Variants in MYO18A observed in about 807,000 individuals in gnomAD.
MYO18A encodes the protein myosin XVIIIA.
In MYO18A, 78 loss-of-function variants were observed where a neutral mutation model predicts 235.8. The observed-to-expected ratio is 0.33, with a 90% CI of 0.28 to 0.40. The LOEUF is 0.40. Ranked by LOEUF, MYO18A falls within the 10% of genes least tolerant of loss-of-function variation. The probability of loss-of-function intolerance (pLI) is 1.00; values close to 1 mark genes in which losing one functional copy is unlikely to be tolerated. For missense variants in MYO18A, 2,215 were observed against 2,699.3 expected (o/e 0.82, Z 3.98); for synonymous variants, 977 against 1,077.8 (o/e 0.91, Z 1.83).
intron 14 of MYO18A, 142 bp downstream of exon 14, chr17:29,114,765 G>A: frequency 1.1e-6 from 1 of 875,040 alleles, no homozygotes; most frequent in Non-Finnish European, 1.7e-6. Flanking sequence ...CGGACAAGGG[G>A]GCAAGGAACG....
chr17:29,150,336 G>A (rs984647365), intron 2 of MYO18A, among the ~76,000 whole-genome samples: 1 of 152,240 alleles, frequency 6.6e-6, no homozygotes, highest in Non-Finnish European at 1.5e-5. Flanking sequence ...CAAATCCACT[G>A]GGGCATGTGA....
At chr17:29,099,846 C>T in intron 21 of MYO18A, 84 bp from the exon 22 acceptor site, 1 of 1,543,792 alleles carries the variant, frequency 6.5e-7, no homozygotes, top group Non-Finnish European at 8.7e-7. Context: ...ACTGGAGAAA[C>T]AAGCAGGCCA....
In MYO18A at chr17:29,074,522, A is replaced by G; in HGVS notation, c.*248T>C. On this transcript the variant is annotated 3_prime_UTR_variant, in exon 42 of 42. Transcript: ENST00000527372. This position sits in a 1 kb window ranked among gnomAD's most constrained non-coding sequence, Gnocchi z 4.4. ...CCCACGGTGACACAGGGTAGAAGCC[A>G]AGAGTCTGGCATTTTGAGACAGAGG... The G allele has an allele frequency of 1.7e-6, 1 of 589,984 alleles. No individual in the cohort carries two copies. The highest frequency in any genetic ancestry group is 3.1e-6 in the Non-Finnish European group (1 of 324,934). The allele number at this position is 589,984 out of a possible 1,614,324, so 36.5% of individuals were successfully genotyped here.
intron 33 of MYO18A, among the ~76,000 whole-genome samples, 166 bp from the exon 34 acceptor site, chr17:29,092,622 C>T (rs906556665): frequency 1.2e-4 from 19 of 152,164 alleles, no homozygotes; most frequent in Non-Finnish European, 2.2e-4. Flanking sequence ...GATCTCCTCC[C>T]GTGACATGGC....
intron 2 of MYO18A, chr17:29,128,976 G>C: frequency 9.1e-7 from 1 of 1,098,274 alleles, no homozygotes; most frequent in Non-Finnish European, 1.2e-6. Flanking sequence ...AGCAGAGATG[G>C]AGCATGGAGA....
At position 29,166,418 on chromosome 17, in the gene MYO18A, G is replaced by C. The variant is rs2068285843; in HGVS notation, c.523C>G (p.Gln175Glu). ...CCTGGGCCAGGATGCTGCACCAGCT[G>C]TCCCTCTAGAGTCCTCACCTCCACC... is the stretch of plus-strand genomic sequence containing the variant. ...PQVEVRTLEG[Q>E]LVQHPGPGIP... Residue 175 changes from glutamine (Q) to glutamate (E), a missense_variant, in exon 2 of 42, where the codon CAG becomes GAG. Physicochemically the swap from Gln to Glu is conservative, Grantham distance 29. Transcript: ENST00000527372. 1.2e-6 allele frequency: 2 copies of C among 1,613,854 alleles called. No individual in the cohort carries two copies. Among genetic ancestry groups the C allele is most frequent in the East Asian group, 4.5e-5 (2 of 44,878 alleles).
rs1568058943 is a variant in MYO18A, at chr17:29,098,144, T to C, written c.3951A>G (p.Ala1317=). Residue 1317 remains alanine, a synonymous_variant, in exon 25 of 42, where the codon GCA becomes GCG. Transcript: ENST00000527372. ...TCTCCTTCTCAGCCCGGAGCCTCTC[T>C]GCTGTCTCCGCGTCCAGCAGCTGGG... ...SASQLLDAET[A]ERLRAEKEMK... The C allele has an allele frequency of 1.2e-6, 2 of 1,613,896 alleles. No individual in the cohort carries two copies. The highest frequency in any genetic ancestry group is 2.2e-5 in the East Asian group (1 of 44,884).
At chr17:29,079,759 C>T (rs1568034565) in intron 41 of MYO18A, 7 of 985,976 alleles carry the variant, frequency 7.1e-6, no homozygotes, top group African/African-American at 1.7e-5. Flanking sequence ...GTACAGGTAC[C>T]GCATCATCAG....
chr17:29,093,286 G>C (rs12603438), intron 32 of MYO18A, 37 bp downstream of exon 32: 569,785 of 1,559,096 alleles, frequency 0.37, 111,989 homozygotes, highest in East Asian at 0.84. Context: ...CATGGGCAGG[G>C]AGCCGGCCAG....
At chr17:29,155,653 G>A (rs528116479) in intron 2 of MYO18A, among the ~76,000 whole-genome samples, 13 of 152,320 alleles carry the variant, frequency 8.5e-5, no homozygotes, top group African/African-American at 2.6e-4. Context: ...TGATGAATTC[G>A]GCAGGGCCAC....
chr17:29,081,458 G>A (rs62065160), intron 41 of MYO18A, among the ~76,000 whole-genome samples: 18,577 of 152,174 alleles, frequency 0.12, 1,532 homozygotes, highest in Non-Finnish European at 0.19. Context: ...GAGGGGCCAG[G>A]CTTGGGGAAG....
At position 29,090,920 on chromosome 17, in the gene MYO18A, C is replaced by A; in HGVS notation, c.5194G>T (p.Glu1732Ter). The part of the protein sequence containing the change: ...DIAKAKTALE[E>*]QLSRLQREKN... The stretch of plus-strand genomic sequence containing the variant: ...TCACGCTGAAGGCGGCTCAGCTGCT[C>A]CTCCAGCTGGAGAGAGGCAAAGACA... The change falls in exon 35 of 42, where the codon GAG (glutamate) becomes TAG (stop). Residue 1732 changes from glutamate (E) to a stop codon, truncating the protein, a stop_gained. Transcript: ENST00000527372. LOFTEE classifies it high-confidence loss of function. 2 of 1,613,446 alleles carry A rather than the reference C, an allele frequency of 1.2e-6. No homozygotes were observed. Among genetic ancestry groups the A allele is most frequent in the South Asian group, 2.2e-5 (2 of 91,062 alleles).
chr17:29,082,701 G>T (rs1181583136), intron 40 of MYO18A, among the ~76,000 whole-genome samples: 1 of 151,972 alleles, frequency 6.6e-6, no homozygotes, highest in East Asian at 1.9e-4. Flanking sequence ...AGTTATCTGT[G>T]ACAGGCCACT....
intron 2 of MYO18A, among the ~76,000 whole-genome samples, chr17:29,161,422 G>A (rs1232031023): frequency 6.6e-6 from 1 of 150,646 alleles, no homozygotes; most frequent in African/African-American, 2.4e-5. Context: ...AGCTTCTCAG[G>A]AGGCTGAGGT....
chr17:29,119,219 C>A (rs563795972), intron 8 of MYO18A, 116 bp downstream of exon 8: 2 of 724,200 alleles, frequency 2.8e-6, no homozygotes, highest in African/African-American at 1.8e-5. Context: ...CATGCACTGA[C>A]CAAACAGTGC....
chr17:29,151,370 C>T (rs752338696), intron 2 of MYO18A, among the ~76,000 whole-genome samples: 1 of 152,204 alleles, frequency 6.6e-6, no homozygotes, highest in Non-Finnish European at 1.5e-5. Flanking sequence ...TTCTGTTGGG[C>T]AGGTCTGGTC....
rs978617059 is a variant in MYO18A at position 29,126,298 on chromosome 17, G to A, written c.1000-4045C>T. Among the ~76,000 whole-genome samples the A allele has an allele frequency of 1.4e-4, 18 of 131,962 alleles. No individual in the cohort carries two copies. Among genetic ancestry groups the A allele is most frequent in the Non-Finnish European group, 2.8e-4 (17 of 61,598 alleles). The allele number at this position is 131,962 out of a possible 152,430, so 86.6% of individuals were successfully genotyped here. On this transcript the variant is annotated intron_variant, in intron 2 of 41. Coordinates refer to ENST00000527372, the MANE Select transcript of MYO18A (RefSeq NM_078471.4). The surrounding 1 kb of genome is among the most constrained non-coding windows in gnomAD (Gnocchi z 4.1). Reference sequence around the variant, plus strand: ...TCAGCTCCCATCTCCTCCCTTGTGAGAGGAGGAGGGACGGGGAGGAGGGAC... The same window carrying A: ...TCAGCTCCCATCTCCTCCCTTGTGAAAGGAGGAGGGACGGGGAGGAGGGAC...
rs769846387 is a variant in MYO18A, at chr17:29,093,370, G to T, written c.4879C>A (p.Arg1627=). Residue 1627 remains arginine (R), a synonymous_variant, in exon 32 of 42, where the codon CGA becomes AGA. Transcript: ENST00000527372. ...EEYEDKQKVL[R]EKRELEGKLA... ...TTGCCCTCCAGCTCCCGCTTCTCTC[G>T]CAGAACCTTCTGCTTGTCCTCATAC... The T allele has an allele frequency of 3.7e-6, 6 of 1,612,408 alleles. No homozygotes were observed. The highest frequency in any genetic ancestry group is 5.1e-6 in the Non-Finnish European group (6 of 1,179,796).
chr17:29,137,527 A>G (rs935274527), intron 2 of MYO18A, among the ~76,000 whole-genome samples: 11 of 152,232 alleles, frequency 7.2e-5, no homozygotes, highest in African/African-American at 2.7e-4. Flanking sequence ...CACAAAATGC[A>G]TCATCCTCTG....
Sources: gnomAD v4.1 joint callset for allele counts (sites outside exome capture counted in the v4.1 genomes callset) on GRCh38, gnomAD v4.1.1 for gene constraint, Gnocchi (gnomAD v3.1) non-coding constraint, MANE v1.5 for transcripts, NCBI Gene and HGNC (gene_info 2026-07-23, HGNC 2026-07-21) for gene names.